The following ROR2 variants were observed in gnomAD, a reference collection of about 807,000 sequenced individuals.
The protein encoded by ROR2 is tyrosine-protein kinase transmembrane receptor ROR2.
ROR2 carries 33 observed loss-of-function variants against 74.9 expected under a neutral mutation model. That is an observed-to-expected ratio of 0.44 (90% CI 0.33 to 0.59). The LOEUF (loss-of-function observed/expected upper bound fraction) is 0.59. Ranked by LOEUF, ROR2 falls within the 20% of genes least tolerant of loss-of-function variation. ROR2 has a pLI of 0.02. For synonymous variants in ROR2, 586 were observed against 558.7 expected, an observed-to-expected ratio of 1.05 and a Z score of -0.69; for missense variants, 1,216 against 1,313.8, an observed-to-expected ratio of 0.93 and a Z score of 1.15.
chr9:91,885,723 A>C (rs1459213484), intron 1 of ROR2, among the ~76,000 whole-genome samples: 1 of 152,244 alleles, frequency 6.6e-6, no homozygotes, highest in Non-Finnish European at 1.5e-5. Context: ...GTTTAAATCA[A>C]ATCAACGAAT....
At chr9:91,755,612 C>A (rs775204727) in intron 4 of ROR2, among the ~76,000 whole-genome samples, 4 of 152,222 alleles carry the variant, frequency 2.6e-5, no homozygotes, top group Non-Finnish European at 5.9e-5. Flanking sequence ...CTGTGAGCCT[C>A]GGTCTCCTCA....
chr9:91,730,935 C>T lies in ROR2; in HGVS notation c.1158G>A (p.Met386Ile). Reference protein sequence around the residue: ...WCFTQNKNVRMELCDVPSCSP... With the variant: ...WCFTQNKNVRIELCDVPSCSP... The stretch of plus-strand genomic sequence containing the variant: ...TACACGAGGGTACGTCACACAGTTC[C>T]ATGCGTACGTTTTTATTCTGCGTAA... Residue 386 changes from methionine to isoleucine, a missense_variant, in exon 7 of 9, where the codon ATG (methionine) becomes ATA (isoleucine). Met to Ile is a conservative substitution (Grantham distance 10, BLOSUM62 1). Transcript: ENST00000375708. 1 of 1,614,154 alleles carries T rather than the reference C, an allele frequency of 6.2e-7. No homozygotes were observed.
At chr9:91,924,365 G>A (rs1165513941) in intron 1 of ROR2, among the ~76,000 whole-genome samples, 4 of 152,354 alleles carry the variant, frequency 2.6e-5, no homozygotes, top group Admixed American at 2.6e-4. Flanking sequence ...CCCTTGTGGT[G>A]GAGTGACAGG....
In ROR2 at chr9:91,724,279, A is replaced by G. The variant is rs767802430; in HGVS notation, c.2215T>C (p.Phe739Leu). Residue 739 changes from phenylalanine to leucine, a missense_variant, in exon 9 of 9, where the codon TTC becomes CTC. By Grantham distance (22) the Phe-to-Leu change is conservative. Coordinates refer to ENST00000375708, the MANE Select transcript of ROR2 (RefSeq NM_004560.4). ...CGGAGCCGGCTGTGGATGTCCTTGAAGCGGGGCCGCCGGCTGGGGAACTCG... is the reference window on the plus strand; with the variant it reads ...CGGAGCCGGCTGTGGATGTCCTTGAGGCGGGGCCGCCGGCTGGGGAACTCG... ...WNEFPSRRPR[F>L]KDIHSRLRAW... 4.3e-6 allele frequency: 7 copies of G among 1,613,360 alleles called. No homozygotes were observed.
At chr9:91,757,879 T>C (rs2118852459) in intron 2 of ROR2, among the ~76,000 whole-genome samples, 1 of 152,292 alleles carries the variant, frequency 6.6e-6, no homozygotes, top group East Asian at 1.9e-4. Flanking sequence ...ATGTGTACTG[T>C]TGATTCCTTC....
intron 1 of ROR2, among the ~76,000 whole-genome samples, chr9:91,840,716 A>G (rs1587771666): frequency 6.6e-6 from 1 of 152,208 alleles, no homozygotes; most frequent in East Asian, 1.9e-4. Flanking sequence ...TGATGGCCAG[A>G]ACCAAATGCC....
At chr9:91,835,940 C>T (rs78312872) in intron 1 of ROR2, among the ~76,000 whole-genome samples, 4,136 of 152,290 alleles carry the variant, frequency 0.027, 137 homozygotes, top group Middle Eastern at 0.088. Context: ...CTTTTGTGAT[C>T]GTCACTTCCC....
chr9:91,757,902 T>C (rs1825812229), intron 2 of ROR2, among the ~76,000 whole-genome samples: 1 of 152,196 alleles, frequency 6.6e-6, no homozygotes, highest in African/African-American at 2.4e-5. Flanking sequence ...ATTGAACCCA[T>C]GGCCAACAGC....
chr9:91,725,245 A>C lies in ROR2; in HGVS notation c.1387-138T>G, dbSNP rs1034363112. 1.3e-5 allele frequency: 19 copies of C among 1,490,866 alleles called. No individual in the cohort carries two copies. The African/African-American group carries it at 1.8e-4, about 14-fold the overall frequency. The allele number at this position is 1,490,866 out of a possible 1,614,324, so 92.4% of individuals were successfully genotyped here. On this transcript the variant is annotated intron_variant, in intron 8 of 8. Transcript: ENST00000375708. Reference sequence around the variant, plus strand: ...TGCAGAAGACCCGCTGGTTTTGCCCACCCAGCCTTGGCCTGCCCACCCACA... The same window carrying C: ...TGCAGAAGACCCGCTGGTTTTGCCCCCCCAGCCTTGGCCTGCCCACCCACA...
At chr9:91,851,503 C>T (rs1056538365) in intron 1 of ROR2, among the ~76,000 whole-genome samples, 1 of 152,230 alleles carries the variant, frequency 6.6e-6, no homozygotes, top group East Asian at 1.9e-4. Context: ...AAGGTTCTCA[C>T]GATAATTTCA....
chr9:91,821,100 C>A (rs894425943), intron 1 of ROR2, among the ~76,000 whole-genome samples: 105 of 124,280 alleles, frequency 8.4e-4, no homozygotes, highest in East Asian at 9.3e-4. Flanking sequence ...GACTTCGTCT[C>A]AAAAAAAAAA....
intron 1 of ROR2, among the ~76,000 whole-genome samples, chr9:91,921,032 C>G (rs1413931956): frequency 6.6e-6 from 1 of 152,242 alleles, no homozygotes; most frequent in Non-Finnish European, 1.5e-5. Context: ...ACTGGACCTC[C>G]ACCCGAGGGG....
intron 1 of ROR2, among the ~76,000 whole-genome samples, chr9:91,829,831 C>G (rs1401514839): frequency 2.0e-5 from 3 of 152,072 alleles, no homozygotes; most frequent in African/African-American, 7.2e-5. Context: ...TGATCCACAC[C>G]CACAATAAAT....
At chr9:91,851,197 A>C (rs1829077852) in intron 1 of ROR2, among the ~76,000 whole-genome samples, 1 of 151,964 alleles carries the variant, frequency 6.6e-6, no homozygotes, top group African/African-American at 2.4e-5. Flanking sequence ...CTAAAAATAC[A>C]AAAAATTAGC....
chr9:91,723,394 G>A lies in ROR2; in HGVS notation c.*268C>T, dbSNP rs1836864249. On this transcript the variant is annotated 3_prime_UTR_variant, in exon 9 of 9. Transcript: ENST00000375708. The stretch of plus-strand genomic sequence containing the variant: ...CTACCAGTCTACCACCAGAATCAAT[G>A]TATACAGCCCTGGGGATGACCATGT... 2.0e-6 allele frequency: 1 copy of A among 504,676 alleles called. No homozygotes were observed. The highest frequency in any genetic ancestry group is 3.5e-6 in the Non-Finnish European group (1 of 283,828). 31.3% of individuals were successfully genotyped at this position (504,676 alleles called of 1,614,324 possible).
intron 7 of ROR2, 73 bp from the exon 8 acceptor site, chr9:91,726,816 T>C (rs1394229030): frequency 6.8e-7 from 1 of 1,464,900 alleles, no homozygotes; most frequent in Non-Finnish European, 9.5e-7. Context: ...ACCAACCCAC[T>C]CTCCACCTCC....
intron 1 of ROR2, among the ~76,000 whole-genome samples, chr9:91,815,908 C>A (rs555133372): frequency 6.6e-6 from 1 of 152,188 alleles, no homozygotes; most frequent in South Asian, 2.1e-4. Flanking sequence ...CTGGCTCTCA[C>A]GGCACAAACT....
chr9:91,900,838 A>T (rs908229964), intron 1 of ROR2, among the ~76,000 whole-genome samples: 1 of 152,270 alleles, frequency 6.6e-6, no homozygotes, highest in African/African-American at 2.4e-5. Context: ...ATAAGCCAAG[A>T]ATGCACATCT....
intron 1 of ROR2, among the ~76,000 whole-genome samples, chr9:91,810,632 C>T (rs1159944406): frequency 6.6e-6 from 1 of 152,182 alleles, no homozygotes; most frequent in Non-Finnish European, 1.5e-5. Context: ...GGCATTCACA[C>T]AGGACGCCTG....
Sources: gnomAD v4.1 joint callset for allele counts (sites outside exome capture counted in the v4.1 genomes callset) on GRCh38, gnomAD v4.1.1 for gene constraint, MANE v1.5 for transcripts, NCBI Gene and HGNC (gene_info 2026-07-23, HGNC 2026-07-21) for gene names.